Variants in ACTR3C observed in about 807,000 individuals in gnomAD.
ACTR3C encodes actin related protein 3C, also known as actin-related protein 3C.
Under a neutral mutation model 26.3 loss-of-function variants are expected in ACTR3C, and 18 were observed. That is an observed-to-expected ratio of 0.68 (90% CI 0.47 to 1.01). The LOEUF (loss-of-function observed/expected upper bound fraction) is 1.01. Among genes scored for constraint, ACTR3C ranks in the 50% least tolerant of loss-of-function variants. ACTR3C has a pLI of 0.00. For synonymous variants in ACTR3C, 55 were observed against 94.5 expected, an observed-to-expected ratio of 0.58 and a Z score of 2.42; for missense variants, 184 against 250.7, an observed-to-expected ratio of 0.73 and a Z score of 1.80.
chr7:149,883,990 TGGAGGGAG>T, the ACTR3C span, among the ~76,000 whole-genome samples: 38,702 of 146,944 alleles, frequency 0.26, 5,225 homozygotes, highest in Non-Finnish European at 0.32. Context: ...AGGTTTTTAG[TGGAGGGAG>T]GGAGGGAGGG....
At chr7:150,288,849 G>A (rs1285289168) in intron 4 of ACTR3C, among the ~76,000 whole-genome samples, 19 of 150,224 alleles carry the variant, frequency 1.3e-4, no homozygotes, top group Non-Finnish European at 2.9e-5. Context: ...AGTGCCTCCT[G>A]ACCTAAAAAC....
At chr7:150,069,862 G>A in the ACTR3C span, among the ~76,000 whole-genome samples, 2 of 150,038 alleles carry the variant, frequency 1.3e-5, no homozygotes, top group Admixed American at 6.6e-5. Context: ...AGCAGATCAG[G>A]CTGTGTGAGT....
At chr7:150,243,336 A>G (rs1171786622), downstream of ACTR3C, among the ~76,000 whole-genome samples, 1 of 152,090 alleles carries the variant, frequency 6.6e-6, no homozygotes, top group East Asian at 1.9e-4. Flanking sequence ...AAATATTTTA[A>G]AAGGCATTTA....
At chr7:150,034,860 G>A in the ACTR3C span, among the ~76,000 whole-genome samples, 6 of 149,548 alleles carry the variant, frequency 4.0e-5, no homozygotes, top group South Asian at 8.5e-4. Context: ...GAGCCAGTGG[G>A]GGAACAGGGG....
At chr7:150,137,991 AAC>A in the ACTR3C span, among the ~76,000 whole-genome samples, 1 of 152,176 alleles carries the variant, frequency 6.6e-6, no homozygotes, top group African/African-American at 2.4e-5. Flanking sequence ...CAAGACATGA[AAC>A]ACAGAGAAAC....
At chr7:149,894,806 G>T in the ACTR3C span, among the ~76,000 whole-genome samples, 9 of 151,798 alleles carry the variant, frequency 5.9e-5, no homozygotes, top group African/African-American at 2.2e-4. Flanking sequence ...AATCAGTAGA[G>T]CCATTATGGA....
chr7:150,310,079 T>A (rs1371412632), intron 1 of ACTR3C, among the ~76,000 whole-genome samples: 1 of 152,170 alleles, frequency 6.6e-6, no homozygotes, highest in Non-Finnish European at 1.5e-5. Flanking sequence ...TGCACTTTTT[T>A]AGTTATCCCC....
chr7:150,071,154 C>T, the ACTR3C span, among the ~76,000 whole-genome samples: 8 of 151,570 alleles, frequency 5.3e-5, no homozygotes, highest in South Asian at 4.2e-4. Context: ...GACGGAGTCT[C>T]GCTCTGTCAC....
At chr7:149,948,355 C>T in the ACTR3C span, among the ~76,000 whole-genome samples, 1 of 149,346 alleles carries the variant, frequency 6.7e-6, no homozygotes, top group Non-Finnish European at 1.5e-5. Context: ...GTCTCTGGAT[C>T]CCTGAATTCT....
At chr7:150,202,311 GT>G in the ACTR3C span, among the ~76,000 whole-genome samples, 1 of 151,796 alleles carries the variant, frequency 6.6e-6, no homozygotes, top group Non-Finnish European at 1.5e-5. Flanking sequence ...ATATATTTCG[GT>G]TTTTGCTTGT....
At chr7:150,119,929 C>G in the ACTR3C span, among the ~76,000 whole-genome samples, 1 of 152,216 alleles carries the variant, frequency 6.6e-6, no homozygotes, top group Non-Finnish European at 1.5e-5. Flanking sequence ...GATTAAGACA[C>G]TCACTCAAAA....
the ACTR3C span, among the ~76,000 whole-genome samples, chr7:150,094,899 T>C: frequency 6.7e-6 from 1 of 149,782 alleles, no homozygotes; most frequent in East Asian, 1.9e-4. Flanking sequence ...AAGAAAACCC[T>C]ACCCACTTCT....
At chr7:150,115,229 C>G in the ACTR3C span, among the ~76,000 whole-genome samples, 1 of 152,148 alleles carries the variant, frequency 6.6e-6, no homozygotes, top group East Asian at 1.9e-4. Context: ...AATAATATGA[C>G]AAACCCCAAC....
the ACTR3C span, among the ~76,000 whole-genome samples, chr7:150,006,354 G>A: frequency 1.3e-5 from 2 of 150,354 alleles, no homozygotes; most frequent in Non-Finnish European, 3.0e-5. Flanking sequence ...CCGCCACCAC[G>A]CCTGGCTAAT....
the ACTR3C span, among the ~76,000 whole-genome samples, chr7:150,131,736 G>C: frequency 4.3e-3 from 660 of 152,136 alleles, 5 homozygotes; most frequent in African/African-American, 0.015. Flanking sequence ...ACAAAAACAT[G>C]TCCACACAAA....
the ACTR3C span, among the ~76,000 whole-genome samples, chr7:150,111,668 G>A: frequency 1.6e-5 from 2 of 121,434 alleles, no homozygotes; most frequent in Non-Finnish European, 3.4e-5. Context: ...ACTCACACCC[G>A]GTGCTGCACA....
chr7:149,911,768 A>G, the ACTR3C span, among the ~76,000 whole-genome samples: 1 of 152,106 alleles, frequency 6.6e-6, no homozygotes, highest in East Asian at 1.9e-4. Flanking sequence ...TCGTATTTTG[A>G]GTATACTATA....
chr7:150,089,027 T>C, the ACTR3C span, among the ~76,000 whole-genome samples: 2 of 152,252 alleles, frequency 1.3e-5, no homozygotes, highest in Non-Finnish European at 2.9e-5. Flanking sequence ...TTAAGTGAGA[T>C]GGAATACTTC....
chr7:149,931,385 G>A, the ACTR3C span, among the ~76,000 whole-genome samples: 1 of 152,162 alleles, frequency 6.6e-6, no homozygotes, highest in African/African-American at 2.4e-5. Context: ...CTCCCGCAAT[G>A]CTCCCTTGCA....
Sources: allele counts gnomAD v4.1 joint callset (sites outside exome capture counted in the v4.1 genomes callset), GRCh38; gene constraint gnomAD v4.1.1; transcripts MANE v1.5; gene names NCBI Gene and HGNC (gene_info 2026-07-23, HGNC 2026-07-21).